The following ZNF407 variants were observed in gnomAD, a reference collection of about 807,000 sequenced individuals.
The protein encoded by ZNF407 is zinc finger protein 407.
Under a neutral mutation model 131.2 loss-of-function variants are expected in ZNF407, and 17 were observed. That is an observed-to-expected ratio of 0.13 (90% CI 0.09 to 0.19). The LOEUF (loss-of-function observed/expected upper bound fraction) is 0.19, where lower values mean the gene tolerates loss of function less well. ZNF407 is among the 10% of genes least tolerant of loss of function. The probability of loss-of-function intolerance (pLI) is 1.00; values close to 1 mark genes in which losing one functional copy is unlikely to be tolerated. For missense variants in ZNF407, 2,681 were observed against 2,830.6 expected, an observed-to-expected ratio of 0.95 and a Z score of 1.20; for synonymous variants, 1,156 against 1,062.0, an observed-to-expected ratio of 1.09 and a Z score of -1.72.
At position 75,064,403 on chromosome 18, in the gene ZNF407, G is replaced by C. The variant is rs1213171480; in HGVS notation, c.6682G>C (p.Glu2228Gln). 6.5e-7 allele frequency: 1 copy of C among 1,545,844 alleles called. No individual in the cohort carries two copies. Residue 2228 changes from glutamate (E) to glutamine (Q), a missense_variant, in exon 9 of 9, where the codon GAG becomes CAG. Physicochemically the swap from Glu to Gln is conservative, Grantham distance 29. This residue lies in a region of ZNF407 where 620 missense variants were observed against 583.1 expected (regional missense o/e 1.06). Transcript: ENST00000299687. ...QLASVVIYTQ[E>Q]GSSAAAAIQS... ...GGCCAGCGTGGTCATCTACACCCAG[G>C]AGGGCTCCTCGGCCGCGGCGGCAAT...
chr18:74,824,743 T>C (rs900258076), intron 4 of ZNF407, among the ~76,000 whole-genome samples: 6 of 152,146 alleles, frequency 3.9e-5, no homozygotes, highest in African/African-American at 1.2e-4. Context: ...CCAAAAAAAG[T>C]CCAGGAACAG....
chr18:74,882,033 C>T (rs528804218), intron 6 of ZNF407, among the ~76,000 whole-genome samples: 2 of 152,266 alleles, frequency 1.3e-5, no homozygotes, highest in South Asian at 2.1e-4. Context: ...AGGAGAACAG[C>T]ACAAGAAAGA....
chr18:74,779,276 C>T (rs961365288), intron 3 of ZNF407, among the ~76,000 whole-genome samples: 5 of 151,050 alleles, frequency 3.3e-5, no homozygotes, highest in African/African-American at 7.3e-5. Context: ...CCACCACACC[C>T]GGCTAATTTT....
At chr18:74,848,897 C>T (rs1265840234) in intron 4 of ZNF407, among the ~76,000 whole-genome samples, 4 of 151,996 alleles carry the variant, frequency 2.6e-5, no homozygotes, top group Non-Finnish European at 5.9e-5. Context: ...GTGATGTATG[C>T]GTGAATATTA....
At chr18:75,042,058 C>CT (rs74265948) in intron 8 of ZNF407, among the ~76,000 whole-genome samples, 2,383 of 141,472 alleles carry the variant, frequency 0.017, 44 homozygotes, top group African/African-American at 0.048. Flanking sequence ...CATTTCTTTC[C>CT]TTTTTTTTTT....
intron 8 of ZNF407, among the ~76,000 whole-genome samples, chr18:74,994,693 G>T (rs555665251): frequency 2.6e-5 from 4 of 152,272 alleles, no homozygotes; most frequent in Admixed American, 2.0e-4. Context: ...CTTTGGACAC[G>T]TGTCCTATGA....
chr18:74,747,938 G>A (rs1219566354), intron 3 of ZNF407, among the ~76,000 whole-genome samples: 1 of 152,150 alleles, frequency 6.6e-6, no homozygotes, highest in South Asian at 2.1e-4. Flanking sequence ...GAAGTTTAAT[G>A]GTTTGTAACA....
At chr18:74,983,185 A>G (rs575790546) in intron 8 of ZNF407, among the ~76,000 whole-genome samples, 1 of 152,050 alleles carries the variant, frequency 6.6e-6, no homozygotes, top group South Asian at 2.1e-4. Context: ...TTTTTAAATC[A>G]GTTTTGCGAT....
intron 3 of ZNF407, among the ~76,000 whole-genome samples, chr18:74,735,518 C>T (rs1240826932): frequency 6.6e-6 from 1 of 152,192 alleles, no homozygotes; most frequent in Non-Finnish European, 1.5e-5. Context: ...CCATAACTGT[C>T]TACACAATGG....
chr18:74,707,994 T>A (rs2144838632), intron 3 of ZNF407, among the ~76,000 whole-genome samples: 1 of 152,356 alleles, frequency 6.6e-6, no homozygotes, highest in Middle Eastern at 3.4e-3. Flanking sequence ...AATATGACAT[T>A]AATTTTTACT....
chr18:74,868,168 C>T (rs1971039305), intron 4 of ZNF407, among the ~76,000 whole-genome samples: 1 of 152,186 alleles, frequency 6.6e-6, no homozygotes, highest in South Asian at 2.1e-4. Flanking sequence ...TCTGAAATGA[C>T]ATTTTGTATC....
chr18:74,939,113 A>T (rs564959776), intron 8 of ZNF407, among the ~76,000 whole-genome samples: 1 of 152,206 alleles, frequency 6.6e-6, no homozygotes, highest in Non-Finnish European at 1.5e-5. Context: ...TTGATCACAT[A>T]TATTTATAAT....
At chr18:74,627,794 CTT>C (rs1297632829) in intron 1 of ZNF407, among the ~76,000 whole-genome samples, 10 of 108,654 alleles carry the variant, frequency 9.2e-5, no homozygotes, top group African/African-American at 3.0e-4. Context: ...CTCTCTCTCT[CTT>C]TCTCTCTTTC....
At chr18:74,653,854 A>G (rs1315993136) in intron 3 of ZNF407, among the ~76,000 whole-genome samples, 3 of 151,820 alleles carry the variant, frequency 2.0e-5, no homozygotes, top group Admixed American at 6.6e-5. Flanking sequence ...GATTTTAGCT[A>G]TTTTTTAGAA....
chr18:74,826,596 T>A (rs1406824340), intron 4 of ZNF407, among the ~76,000 whole-genome samples: 3 of 152,130 alleles, frequency 2.0e-5, no homozygotes, highest in Non-Finnish European at 2.9e-5. Context: ...GAGACTTGTT[T>A]GTCAGTAATT....
chr18:74,921,662 A>G (rs1354733680), intron 8 of ZNF407, among the ~76,000 whole-genome samples: 1 of 152,212 alleles, frequency 6.6e-6, no homozygotes, highest in African/African-American at 2.4e-5. Context: ...GAGAATTTAA[A>G]AAGATAATGG....
At chr18:74,996,351 G>C (rs769017954) in intron 8 of ZNF407, among the ~76,000 whole-genome samples, 7 of 152,208 alleles carry the variant, frequency 4.6e-5, no homozygotes, top group Non-Finnish European at 8.8e-5. Flanking sequence ...CTTGATTTGA[G>C]AAACGCTTAT....
At position 74,631,592 on chromosome 18, in the gene ZNF407, T is replaced by G. The variant is rs1264453048; in HGVS notation, c.573T>G (p.Cys191Trp). Residue 191 changes from cysteine (C) to tryptophan (W), a missense_variant, in exon 2 of 9, where the codon TGT becomes TGG. By Grantham distance (215) the Cys-to-Trp change is radical. Coordinates refer to ENST00000299687, the MANE Select transcript of ZNF407 (RefSeq NM_017757.3). ...NVDTVLKCSI[C>W]GHLFSSCSDL... is the part of the protein sequence containing the mutation. ...ATACAGTTCTCAAATGCAGCATCTG[T>G]GGGCATTTGTTTTCTTCTTGCTCTG... 6.8e-6 allele frequency: 11 copies of G among 1,613,832 alleles called. No individual in the cohort carries two copies. In the South Asian group the frequency reaches 1.2e-4, roughly 18 times the overall value.
In ZNF407 at chr18:74,883,063, A is replaced by G. The variant is rs566567326; in HGVS notation, c.5128+1944A>G. Among the ~76,000 whole-genome samples the G allele has an allele frequency of 2.6e-4, 39 of 152,316 alleles. 1 individual carries two copies. The highest frequency in any genetic ancestry group is 9.4e-4 in the African/African-American group (39 of 41,574). On this transcript the variant is annotated intron_variant, in intron 6 of 8. Coordinates refer to ENST00000299687, the MANE Select transcript of ZNF407 (RefSeq NM_017757.3). ...CATCCCAGTGATAGATCGATCAGGA[A>G]GCCTGCACTGAGCTGGCACAACTTT...
Sources: allele counts gnomAD v4.1 joint callset (sites outside exome capture counted in the v4.1 genomes callset), GRCh38; gene constraint gnomAD v4.1.1; regional missense constraint gnomAD v4.1.1; transcripts MANE v1.5; gene names NCBI Gene and HGNC (gene_info 2026-07-23, HGNC 2026-07-21).